PSMD2: variants seen among roughly 807,000 people sequenced by gnomAD.
PSMD2 encodes the protein proteasome 26S subunit ubiquitin receptor, non-ATPase 2, also known as 26S proteasome non-ATPase regulatory subunit 2.
A neutral mutation model predicts 101.5 loss-of-function variants in PSMD2; 8 were observed. The observed-to-expected ratio is 0.08, with a 90% CI of 0.05 to 0.14. PSMD2 has a LOEUF of 0.14. Among genes scored for constraint, PSMD2 ranks in the 10% least tolerant of loss-of-function variants. PSMD2 has a pLI of 1.00. For synonymous variants in PSMD2, 418 were observed against 433.8 expected (o/e 0.96, Z 0.45); for missense variants, 784 against 1,147.4 (o/e 0.68, Z 4.58).
Position 184,309,038 on chromosome 3 carries a change from C to G in PSMD2, c.*148C>G, listed in dbSNP as rs906511574. The G allele has an allele frequency of 3.7e-6, 3 of 816,418 alleles. No individual in the cohort carries two copies. The highest frequency in any genetic ancestry group is 1.8e-5 in the South Asian group (1 of 56,878). 50.6% of individuals were successfully genotyped at this position (816,418 alleles called of 1,614,324 possible). ...GTGAGATAAGGTTGTTCAATAAAGA[C>G]TTTTATCCCCAAGGTCTCTCTGTGT... On this transcript the variant is annotated 3_prime_UTR_variant, in exon 21 of 21. Transcript: ENST00000310118.
chr3:184,300,566 G>A, intron 3 of PSMD2, 122 bp downstream of exon 3: 1 of 1,459,526 alleles, frequency 6.9e-7, no homozygotes, highest in Non-Finnish European at 9.1e-7. Context: ...TATTTGAGCA[G>A]AGTTCATCAC....
intron 8 of PSMD2, 21 bp downstream of exon 8, chr3:184,303,083 A>T (rs779632128): frequency 4.3e-6 from 7 of 1,610,350 alleles, no homozygotes; most frequent in Admixed American, 1.7e-5. Flanking sequence ...CTCTCTGTGT[A>T]TGGGATTTGG....
Position 184,300,582 on chromosome 3 carries a change from A to C in PSMD2, c.357+138A>C, listed in dbSNP as rs141229079. 40 of 1,441,080 alleles carry C rather than the reference A, an allele frequency of 2.8e-5. No homozygotes were observed. The African/African-American group carries it at 5.6e-4, about 20-fold the overall frequency. 89.3% of individuals were successfully genotyped at this position (1,441,080 alleles called of 1,614,324 possible). A position where few individuals can be genotyped will look rare whatever the true frequency, so the allele number is the denominator to read the frequency against. On this transcript the variant is annotated intron_variant, in intron 3 of 20. Coordinates refer to ENST00000310118, the MANE Select transcript of PSMD2 (RefSeq NM_002808.5). The stretch of plus-strand genomic sequence containing the variant: ...ATTTGAGCAGAGTTCATCACAGTCA[A>C]AATATCTACAGAAGAGCTGAAAGGA...
chr3:184,299,328 C>T lies in PSMD2; in HGVS notation c.62C>T (p.Pro21Leu). ...CCCCAGCAGTCTCCAGCGGCGGCCCCCGGCGGCACGGACGAGAAGCCGAGC... is the reference window on the plus strand; with the variant it reads ...CCCCAGCAGTCTCCAGCGGCGGCCCTCGGCGGCACGGACGAGAAGCCGAGC... ...VQPQQSPAAA[P>L]GGTDEKPSGK... Residue 21 changes from proline to leucine, a missense_variant, in exon 1 of 21, where the codon CCC becomes CTC. This residue lies in a region of PSMD2 where 196 missense variants were observed against 182.4 expected (regional missense o/e 1.07). Coordinates refer to ENST00000310118, the MANE Select transcript of PSMD2 (RefSeq NM_002808.5). 1 of 1,409,124 alleles carries T rather than the reference C, an allele frequency of 7.1e-7. No homozygotes were observed. Among genetic ancestry groups the T allele is most frequent in the Non-Finnish European group, 9.2e-7 (1 of 1,085,292 alleles). 87.3% of individuals were successfully genotyped at this position (1,409,124 alleles called of 1,614,324 possible).
chr3:184,306,566 G>A (rs1721839144), intron 15 of PSMD2, 71 bp downstream of exon 15: 1 of 1,564,034 alleles, frequency 6.4e-7, no homozygotes, highest in Admixed American at 2.0e-5. Flanking sequence ...GGCTGGGTTT[G>A]GTTTTTGCTT....
In PSMD2 at chr3:184,307,910, G is replaced by A. The variant is rs1352859267; in HGVS notation, c.2319G>A (p.Lys773=). The A allele has an allele frequency of 1.9e-6, 3 of 1,614,082 alleles. No homozygotes were observed. The highest frequency in any genetic ancestry group is 4.5e-5 in the East Asian group (2 of 44,876). ...TTCAGGGCCTGACACATTTAGGGAA[G>A]GGCACCCTTACCCTCTGCCCCTACC... ...RLAQGLTHLG[K]GTLTLCPYHS... The change falls in exon 19 of 21, where the codon AAG becomes AAA. Residue 773 remains lysine (K), a synonymous_variant. Transcript: ENST00000310118.
In PSMD2 at chr3:184,300,436, G is replaced by A; in HGVS notation, c.349G>A (p.Glu117Lys). ...AATCTATGAGAACATGGCCCCTGGG[G>A]AGAATAAGGTAAAACTGTTTCAAAC... is the stretch of plus-strand genomic sequence containing the variant. ...KEIYENMAPG[E>K]NKRFAADIIS... Residue 117 changes from glutamate (E) to lysine (K), a missense_variant, in exon 3 of 21, where the codon GAG (glutamate) becomes AAG (lysine). Transcript: ENST00000310118. 2 of 1,613,660 alleles carry A rather than the reference G, an allele frequency of 1.2e-6. No individual in the cohort carries two copies. The highest frequency in any genetic ancestry group is 1.7e-6 in the Non-Finnish European group (2 of 1,179,824).
At chr3:184,301,687 G>A in intron 4 of PSMD2, 29 bp downstream of exon 4, 1 of 1,613,496 alleles carries the variant, frequency 6.2e-7, no homozygotes. Context: ...GGAATCCGAA[G>A]GGGGCTCTGA....
chr3:184,299,792 G>T (rs1721584224), intron 1 of PSMD2, 59 bp from the exon 2 acceptor site: 2 of 1,405,038 alleles, frequency 1.4e-6, no homozygotes, highest in Non-Finnish European at 2.0e-6. Flanking sequence ...CCGGGTAAGT[G>T]GGAGGAGGAC....
intron 3 of PSMD2, 22 bp from the exon 4 acceptor site, chr3:184,301,515 C>T: frequency 1.2e-6 from 2 of 1,612,390 alleles, no homozygotes; most frequent in Middle Eastern, 3.9e-4. Flanking sequence ...GGTTTGACTT[C>T]AAAGAACTCT....
chr3:184,301,001 T>C (rs2108440609), intron 3 of PSMD2, among the ~76,000 whole-genome samples: 1 of 152,168 alleles, frequency 6.6e-6, no homozygotes, highest in Admixed American at 6.6e-5. Context: ...TTCCACTTTA[T>C]CCCTCATTTA....
In PSMD2 at chr3:184,303,765, G is replaced by A. The variant is rs769909339; in HGVS notation, c.1323+16G>A. ...CTACATTAAGGTTGGTCTGCATACA[G>A]CCTGCTCATGGGGACTTCCCCGTTC... On this transcript the variant is annotated intron_variant, in intron 10 of 20. Transcript: ENST00000310118. The A allele has an allele frequency of 6.2e-7, 1 of 1,612,780 alleles. No individual in the cohort carries two copies. Among genetic ancestry groups the A allele is most frequent in the African/African-American group, 1.3e-5 (1 of 75,034 alleles).
intron 1 of PSMD2, 95 bp from the exon 2 acceptor site, chr3:184,299,756 G>GAATAA: frequency 9.6e-7 from 1 of 1,043,796 alleles, no homozygotes; most frequent in East Asian, 2.4e-5. Context: ...CCCCTCCTAA[G>GAATAA]GAGGCAGGCT....
intron 4 of PSMD2, 40 bp from the exon 5 acceptor site, chr3:184,301,807 C>T (rs1721652394): frequency 1.2e-6 from 2 of 1,613,068 alleles, no homozygotes; most frequent in African/African-American, 1.3e-5. Flanking sequence ...AGTGCTTCCC[C>T]TGAAGCTGTG....
intron 5 of PSMD2, 77 bp downstream of exon 5, chr3:184,302,148 T>TC: frequency 5.5e-6 from 8 of 1,466,898 alleles, no homozygotes; most frequent in Non-Finnish European, 6.6e-6. Context: ...TCCTCTATTT[T>TC]CCCAGAGCAT....
Position 184,304,478 on chromosome 3 carries a change from G to A in PSMD2, c.1539+87G>A. 1 of 1,318,790 alleles carries A rather than the reference G, an allele frequency of 7.6e-7. No homozygotes were observed. 81.7% of individuals were successfully genotyped at this position (1,318,790 alleles called of 1,614,324 possible). On this transcript the variant is annotated intron_variant, in intron 12 of 20. Transcript: ENST00000310118. The surrounding 1 kb of genome is among the most constrained non-coding windows in gnomAD (Gnocchi z 4.1). ...GTGATAAATAATGAAAAAGAAGTAA[G>A]TGTGTGCATGTGTGCATACATGTAC...
In PSMD2 at chr3:184,304,416, AGAGT is replaced by A. The variant is rs371016056; in HGVS notation, c.1539+26_1539+29del. The A allele has an allele frequency of 6.2e-7, 1 of 1,600,730 alleles. No individual in the cohort carries two copies. Among genetic ancestry groups the A allele is most frequent in the Non-Finnish European group, 8.6e-7 (1 of 1,167,724 alleles). ...GGTGAGTAGAGGCTATTGAGCATTT[AGAGT>A]AAGTAGGGAAGGTGCTTTGAGTCTT... On this transcript the variant is annotated intron_variant, in intron 12 of 20. Transcript: ENST00000310118. This position sits in a 1 kb window ranked among gnomAD's most constrained non-coding sequence, Gnocchi z 4.1.
At chr3:184,303,912 G>A (rs1175307808) in intron 10 of PSMD2, 35 bp from the exon 11 acceptor site, 4 of 1,614,196 alleles carry the variant, frequency 2.5e-6, no homozygotes, top group South Asian at 2.2e-5. Context: ...GGAAGATAGA[G>A]TATCCTGAGT....
At chr3:184,302,574 C>G in intron 6 of PSMD2, 46 bp downstream of exon 6, 1 of 1,611,444 alleles carries the variant, frequency 6.2e-7, no homozygotes, top group African/African-American at 1.3e-5. Context: ...ACGAATAGGA[C>G]ACTTGCATAA....
Sources: allele counts gnomAD v4.1 joint callset (sites outside exome capture counted in the v4.1 genomes callset), GRCh38; gene constraint gnomAD v4.1.1; regional missense constraint gnomAD v4.1.1; non-coding constraint Gnocchi (gnomAD v3.1); transcripts MANE v1.5; gene names NCBI Gene and HGNC (gene_info 2026-07-23, HGNC 2026-07-21).